Variants in CLVS1 observed in about 807,000 individuals in gnomAD.
The protein encoded by CLVS1 is clavesin 1.
Under a neutral mutation model 33.1 loss-of-function variants are expected in CLVS1, and 10 were observed. The observed-to-expected ratio is 0.30, with a 90% CI of 0.19 to 0.51. CLVS1 has a LOEUF of 0.51. CLVS1 is among the 20% of genes least tolerant of loss of function. The pLI is 0.97. For synonymous variants in CLVS1, 163 were observed against 166.1 expected (o/e 0.98, Z 0.14); for missense variants, 343 against 433.4 (o/e 0.79, Z 1.85).
At chr8:61,090,902 A>C (rs368785841) in intron 1 of CLVS1, 86 of 518,814 alleles carry the variant, frequency 1.7e-4, no homozygotes, top group Non-Finnish European at 2.5e-4. Flanking sequence ...TAATGAGTTA[A>C]GATGTTGGGG....
At chr8:61,485,250 A>T (rs1239715876) in intron 5 of CLVS1, among the ~76,000 whole-genome samples, 2 of 152,244 alleles carry the variant, frequency 1.3e-5, no homozygotes, top group African/African-American at 4.8e-5. Context: ...ATTTACAAGA[A>T]AAAAACAAAC....
chr8:61,199,866 G>A (rs1211136925), intron 2 of CLVS1, among the ~76,000 whole-genome samples: 1 of 152,188 alleles, frequency 6.6e-6, no homozygotes, highest in East Asian at 1.9e-4. Context: ...TACCTTTGTG[G>A]GTTAGTGTCC....
chr8:61,027,270 A>C, the CLVS1 span, among the ~76,000 whole-genome samples: 2 of 152,176 alleles, frequency 1.3e-5, no homozygotes, highest in African/African-American at 4.8e-5. Flanking sequence ...ATGTGCATTA[A>C]AATGGATCCT....
chr8:61,052,878 A>G (rs2129276380), upstream of CLVS1, among the ~76,000 whole-genome samples: 1 of 152,270 alleles, frequency 6.6e-6, no homozygotes, highest in East Asian at 1.9e-4. Flanking sequence ...CAGGGCACTG[A>G]AGGGTGCCTG....
chr8:61,458,577 C>A, intron 5 of CLVS1, 35 bp downstream of exon 5: 2 of 1,397,544 alleles, frequency 1.4e-6, no homozygotes, highest in Non-Finnish European at 1.9e-6. Flanking sequence ...CCCCCCCAGT[C>A]AGAGGTCAAT....
At chr8:61,073,976 C>G (rs1237608332) in intron 1 of CLVS1, among the ~76,000 whole-genome samples, 1 of 138,218 alleles carries the variant, frequency 7.2e-6, no homozygotes, top group African/African-American at 2.8e-5. Context: ...CGCGCCACTG[C>G]ACTCCAGCCT....
At chr8:60,970,192 C>A in the CLVS1 span, among the ~76,000 whole-genome samples, 19,048 of 152,238 alleles carry the variant, frequency 0.13, 1,744 homozygotes, top group East Asian at 0.41. Flanking sequence ...ATGCACTTTT[C>A]AACTCTGATT....
At chr8:61,118,157 C>T (rs1368644042) in intron 1 of CLVS1, among the ~76,000 whole-genome samples, 11 of 151,210 alleles carry the variant, frequency 7.3e-5, no homozygotes, top group East Asian at 3.9e-4. Context: ...AGTTTATTTG[C>T]GTAGAGGTGT....
intron 2 of CLVS1, among the ~76,000 whole-genome samples, chr8:61,222,963 GTC>G (rs763000612): frequency 2.1e-5 from 3 of 142,522 alleles, no homozygotes; most frequent in Non-Finnish European, 4.6e-5. Context: ...TTGGTTTAAA[GTC>G]TGTTTTGTCA....
intron 5 of CLVS1, among the ~76,000 whole-genome samples, chr8:61,463,598 G>A (rs1345728751): frequency 6.6e-6 from 1 of 152,196 alleles, no homozygotes; most frequent in East Asian, 1.9e-4. Flanking sequence ...CGAGGCCCAA[G>A]AAGAAGGAGA....
chr8:61,299,964 C>G lies in CLVS1; in HGVS notation c.137C>G (p.Pro46Arg). The G allele has an allele frequency of 6.2e-7, 1 of 1,613,988 alleles. No homozygotes were observed. Among genetic ancestry groups the G allele is most frequent in the Non-Finnish European group, 8.5e-7 (1 of 1,179,956 alleles). The change falls in exon 2 of 6, where the codon CCC (proline) becomes CGC (arginine). Residue 46 changes from proline to arginine, a missense_variant. Transcript: ENST00000325897. ...GCTCGCCTGGAACTGAATGAAAACC[C>G]CGATGTTTTACATCAGGATATTCAG... ...EKARLELNEN[P>R]DVLHQDIQQV... is the part of the protein sequence containing the mutation.
intron 2 of CLVS1, among the ~76,000 whole-genome samples, chr8:61,364,283 G>A (rs77113650): frequency 6.6e-6 from 1 of 152,154 alleles, no homozygotes; most frequent in Non-Finnish European, 1.5e-5. Context: ...TCAGTGGTCA[G>A]GGTGTTCCTG....
chr8:61,046,391 G>A, the CLVS1 span, among the ~76,000 whole-genome samples: 1 of 145,958 alleles, frequency 6.9e-6, no homozygotes, highest in Non-Finnish European at 1.5e-5. Context: ...GGTTACTGTA[G>A]CCTTGTAGTA....
At chr8:61,260,420 C>T (rs963035055) in intron 2 of CLVS1, among the ~76,000 whole-genome samples, 2 of 152,152 alleles carry the variant, frequency 1.3e-5, no homozygotes, top group African/African-American at 4.8e-5. Context: ...AAGGAAGGAA[C>T]AAAACATTTT....
intron 2 of CLVS1, among the ~76,000 whole-genome samples, chr8:61,343,585 C>G (rs1812101901): frequency 6.6e-6 from 1 of 152,052 alleles, no homozygotes; most frequent in Non-Finnish European, 1.5e-5. Flanking sequence ...AGAGAAGCAT[C>G]CAAAAACAAA....
intron 2 of CLVS1, chr8:61,202,766 C>T: frequency 6.4e-7 from 1 of 1,565,868 alleles, no homozygotes; most frequent in Non-Finnish European, 8.7e-7. Flanking sequence ...TTAAGTATAT[C>T]TGGAAAGCGA....
At chr8:61,065,103 G>T (rs1804651473) in intron 1 of CLVS1, among the ~76,000 whole-genome samples, 1 of 152,212 alleles carries the variant, frequency 6.6e-6, no homozygotes, top group Non-Finnish European at 1.5e-5. Flanking sequence ...TGGGCAATTG[G>T]TTCCAGGACA....
chr8:61,345,688 TG>T (rs1452043300), intron 2 of CLVS1, among the ~76,000 whole-genome samples: 3 of 151,724 alleles, frequency 2.0e-5, no homozygotes, highest in Non-Finnish European at 4.4e-5. Flanking sequence ...TGACAACATG[TG>T]TTGCTATTAC....
chr8:61,109,693 C>A (rs1380003278), intron 1 of CLVS1, among the ~76,000 whole-genome samples: 2 of 152,152 alleles, frequency 1.3e-5, no homozygotes, highest in African/African-American at 4.8e-5. Context: ...GCGATTGGAT[C>A]ATGAGGGCTC....
Sources: gnomAD v4.1 joint callset for allele counts (sites outside exome capture counted in the v4.1 genomes callset) on GRCh38, gnomAD v4.1.1 for gene constraint, MANE v1.5 for transcripts, NCBI Gene and HGNC (gene_info 2026-07-23, HGNC 2026-07-21) for gene names.